The following MMP16 variants were observed in gnomAD, a reference collection of about 807,000 sequenced individuals.
The protein encoded by MMP16 is matrix metalloproteinase-16.
A neutral mutation model predicts 67.8 loss-of-function variants in MMP16; 12 were observed. The ratio of observed to expected loss-of-function variants is 0.18; its 90% CI spans 0.11 to 0.29. MMP16 has a LOEUF of 0.29. MMP16 is among the 10% of genes least tolerant of loss of function. The pLI, the probability that MMP16 is intolerant of heterozygous loss-of-function variation, is 1.00. For missense variants in MMP16, 475 were observed against 765.7 expected, an observed-to-expected ratio of 0.62 and a Z score of 4.48; for synonymous variants, 249 against 255.9, an observed-to-expected ratio of 0.97 and a Z score of 0.26.
chr8:88,072,980 G>A lies in MMP16; in HGVS notation c.1222+1625C>T, dbSNP rs575041237. Among the ~76,000 whole-genome samples the A allele has an allele frequency of 5.3e-5, 8 of 152,250 alleles. No individual in the cohort carries two copies. The South Asian group carries it at 1.0e-3, about 20-fold the overall frequency. ...AAGCGAATAAAAGTGAGAAGGCCCC[G>A]AGGCCATAAAGAGCTGTCAGAACAC... On this transcript the variant is annotated intron_variant, in intron 7 of 9. Coordinates refer to ENST00000286614, the MANE Select transcript of MMP16 (RefSeq NM_005941.5).
At chr8:88,323,316 A>G (rs1195420369) in intron 1 of MMP16, among the ~76,000 whole-genome samples, 2 of 152,176 alleles carry the variant, frequency 1.3e-5, no homozygotes, top group Admixed American at 6.5e-5. Context: ...AAAGTACCCA[A>G]TGCAAACTCT....
intron 1 of MMP16, among the ~76,000 whole-genome samples, chr8:88,238,755 T>C (rs1283983547): frequency 6.6e-6 from 1 of 150,566 alleles, no homozygotes; most frequent in African/African-American, 2.4e-5. Flanking sequence ...ATTTCTGTAA[T>C]AACTTTGAGG....
At chr8:88,209,430 C>G (rs1809479393) in intron 1 of MMP16, among the ~76,000 whole-genome samples, 1 of 151,974 alleles carries the variant, frequency 6.6e-6, no homozygotes, top group African/African-American at 2.4e-5. Context: ...TATATAATAC[C>G]TATAACATGC....
chr8:88,226,568 C>A (rs1809772322), intron 1 of MMP16, among the ~76,000 whole-genome samples: 1 of 152,006 alleles, frequency 6.6e-6, no homozygotes, highest in Non-Finnish European at 1.5e-5. Flanking sequence ...TTTTTAAAAT[C>A]ATGTATTCAG....
At chr8:88,175,194 C>T (rs1486385823) in intron 3 of MMP16, among the ~76,000 whole-genome samples, 1 of 152,110 alleles carries the variant, frequency 6.6e-6, no homozygotes, top group Non-Finnish European at 1.5e-5. Flanking sequence ...GCTTTGTATA[C>T]CAAAGTAATC....
intron 4 of MMP16, among the ~76,000 whole-genome samples, chr8:88,159,340 C>T (rs902791685): frequency 3.3e-5 from 5 of 152,064 alleles, no homozygotes. Flanking sequence ...CTTCTATTTC[C>T]TTGAGCAGTG....
At chr8:88,115,212 C>T (rs1466789129) in intron 6 of MMP16, among the ~76,000 whole-genome samples, 1 of 151,954 alleles carries the variant, frequency 6.6e-6, no homozygotes, top group African/African-American at 2.4e-5. Flanking sequence ...CATCAGGTGT[C>T]TTTTAGAATA....
chr8:88,286,708 T>C (rs573580334), intron 1 of MMP16, among the ~76,000 whole-genome samples: 399 of 152,186 alleles, frequency 2.6e-3, no homozygotes, highest in Non-Finnish European at 2.4e-3. Context: ...CCCAAGTAGC[T>C]GCTACTACAG....
chr8:88,106,508 C>T (rs981025872), intron 6 of MMP16, among the ~76,000 whole-genome samples: 2 of 151,084 alleles, frequency 1.3e-5, no homozygotes, highest in African/African-American at 4.8e-5. Flanking sequence ...AGTAAATCTT[C>T]AAAAAACCTT....
intron 1 of MMP16, chr8:88,326,853 C>T (rs935082260): frequency 2.1e-6 from 1 of 486,040 alleles, no homozygotes; most frequent in Non-Finnish European, 3.7e-6. Flanking sequence ...TCTTTGAGCG[C>T]GCAGCATCGT....
intron 3 of MMP16, among the ~76,000 whole-genome samples, chr8:88,170,173 C>G (rs765183990): frequency 2.0e-5 from 3 of 152,140 alleles, no homozygotes; most frequent in Non-Finnish European, 2.9e-5. Flanking sequence ...AGGAAGACAG[C>G]ATTTATTTTT....
chr8:88,324,382 C>T (rs915356502), intron 1 of MMP16, among the ~76,000 whole-genome samples: 39 of 152,178 alleles, frequency 2.6e-4, no homozygotes, highest in African/African-American at 9.4e-4. Context: ...TTCAAATCCC[C>T]CACTTCCCTG....
chr8:88,241,145 A>G (rs972222934), intron 1 of MMP16, among the ~76,000 whole-genome samples: 1 of 151,986 alleles, frequency 6.6e-6, no homozygotes, highest in Non-Finnish European at 1.5e-5. Context: ...TTCTTAAAAA[A>G]TAAAAAGACC....
At chr8:88,267,274 G>A (rs931124189) in intron 1 of MMP16, among the ~76,000 whole-genome samples, 1 of 152,110 alleles carries the variant, frequency 6.6e-6, no homozygotes, top group African/African-American at 2.4e-5. Flanking sequence ...AAACTGAGAG[G>A]AGAAAAAGAT....
intron 1 of MMP16, among the ~76,000 whole-genome samples, chr8:88,272,824 A>G (rs1321790850): frequency 6.6e-6 from 1 of 152,196 alleles, no homozygotes; most frequent in African/African-American, 2.4e-5. Flanking sequence ...AGTGACCACC[A>G]AAAGCGAGTA....
At chr8:88,307,513 T>G (rs907134294) in intron 1 of MMP16, among the ~76,000 whole-genome samples, 1 of 152,056 alleles carries the variant, frequency 6.6e-6, no homozygotes, top group Admixed American at 6.6e-5. Context: ...TCATGCTATG[T>G]CCTCACCATC....
In MMP16 at chr8:88,162,201, G is replaced by A. The variant is rs1439567707; in HGVS notation, c.709+5468C>T. On this transcript the variant is annotated intron_variant, in intron 4 of 9. Transcript: ENST00000286614. The stretch of plus-strand genomic sequence containing the variant: ...ATCTAAAAATTAATAACCAAGTAGA[G>A]ACTGCGCAGTAATCATGTAAGGCTA... 2.0e-5 allele frequency among the ~76,000 whole-genome samples: 3 copies of A among 151,832 alleles called. No individual in the cohort carries two copies. In the East Asian group the frequency reaches 5.8e-4, roughly 29 times the overall value.
At chr8:88,216,290 T>TA (rs939309341) in intron 1 of MMP16, among the ~76,000 whole-genome samples, 15 of 152,204 alleles carry the variant, frequency 9.9e-5, no homozygotes, top group African/African-American at 3.1e-4. Flanking sequence ...CATAAACTTG[T>TA]AAAAATTGGT....
Position 88,056,162 on chromosome 8 carries a change from C to G in MMP16, c.1339G>C (p.Asp447His). 6.3e-7 allele frequency: 1 copy of G among 1,590,618 alleles called. No homozygotes were observed. Among genetic ancestry groups the G allele is most frequent in the Non-Finnish European group, 8.6e-7 (1 of 1,166,818 alleles). ...TTGAAGAAATAGGTTTTCCCGACGT[C>G]CTCCCACCAAATGGCTGAATCAATA... ...HGIDSAIWWE[D>H]VGKTYFFKGD... The change falls in exon 8 of 10, where the codon GAC (aspartate) becomes CAC (histidine). Residue 447 changes from aspartate (D) to histidine (H), a missense_variant. Physicochemically the swap from Asp to His is moderately conservative, Grantham distance 81. Around this residue, in one of 5 missense-constraint regions of MMP16, gnomAD observed 195 missense variants for 300.9 expected, o/e 0.65. Coordinates refer to ENST00000286614, the MANE Select transcript of MMP16 (RefSeq NM_005941.5).
Sources: gnomAD v4.1 joint callset for allele counts (sites outside exome capture counted in the v4.1 genomes callset) on GRCh38, gnomAD v4.1.1 for gene constraint, gnomAD v4.1.1 regional missense constraint, MANE v1.5 for transcripts, NCBI Gene and HGNC (gene_info 2026-07-23, HGNC 2026-07-21) for gene names.